EPHA1: variants seen among roughly 807,000 people sequenced by gnomAD.
EPHA1 encodes the protein EPH receptor A1.
Under a neutral mutation model 110.1 loss-of-function variants are expected in EPHA1, and 92 were observed. The observed-to-expected ratio is 0.84, with a 90% CI of 0.71 to 0.99. The LOEUF (loss-of-function observed/expected upper bound fraction) is 0.99, where lower values mean the gene tolerates loss of function less well. EPHA1 is among the 50% of genes least tolerant of loss of function. EPHA1 has a pLI of 0.00. For missense variants in EPHA1, 1,204 were observed against 1,285.4 expected (o/e 0.94, Z 0.97); for synonymous variants, 500 against 516.1 (o/e 0.97, Z 0.42).
rs1235596845 is a variant in EPHA1, at chr7:143,393,191, C to T, written c.2696+480G>A. Reference sequence around the variant, plus strand: ...ACCTACCCCACCCCAGCCTGGCTGCCCAAGCTCCCTGGAGCTTGGGTAATA... The same window carrying T: ...ACCTACCCCACCCCAGCCTGGCTGCTCAAGCTCCCTGGAGCTTGGGTAATA... On this transcript the variant is annotated intron_variant, in intron 16 of 17. Transcript: ENST00000275815. The surrounding 1 kb of genome is among the most constrained non-coding windows in gnomAD (Gnocchi z 5.6). Among the ~76,000 whole-genome samples, 2 of 152,148 alleles carry T rather than the reference C, an allele frequency of 1.3e-5. No individual in the cohort carries two copies. Among genetic ancestry groups the T allele is most frequent in the Non-Finnish European group, 2.9e-5 (2 of 68,018 alleles).
rs1388222492 is a variant in EPHA1 at position 143,401,974 on chromosome 7, C to T, written c.151-369G>A. 6.6e-6 allele frequency among the ~76,000 whole-genome samples: 1 copy of T among 152,120 alleles called. No individual in the cohort carries two copies. On this transcript the variant is annotated intron_variant, in intron 2 of 17. Transcript: ENST00000275815. The surrounding 1 kb of genome is among the most constrained non-coding windows in gnomAD (Gnocchi z 4.1). The stretch of plus-strand genomic sequence containing the variant: ...TTTTTGTTTTTCAGAGACAGGGTCT[C>T]GTTCTGTCTGCAGCGCAGTGGTATA...
chr7:143,407,096 T>C (rs1004277050), intron 2 of EPHA1, among the ~76,000 whole-genome samples: 1 of 152,138 alleles, frequency 6.6e-6, no homozygotes, highest in African/African-American at 2.4e-5. Flanking sequence ...TTTGAAGAAT[T>C]TGATGAAAGC....
At position 143,391,478 on chromosome 7, in the gene EPHA1, A is replaced by G; in HGVS notation, c.2910T>C (p.Ser970=). 11 of 1,614,118 alleles carry G rather than the reference A, an allele frequency of 6.8e-6. No homozygotes were observed. Among genetic ancestry groups the G allele is most frequent in the Non-Finnish European group, 9.3e-6 (11 of 1,180,022 alleles). ...GGGATCAGTCCTTGAATCCCTGAATACTGCAAAGAATGCGCTTCTGGTGCC... is the reference window on the plus strand; with the variant it reads ...GGGATCAGTCCTTGAATCCCTGAATGCTGCAAAGAATGCGCTTCTGGTGCC... ...LPGHQKRILC[S]IQGFKD The change falls in exon 18 of 18, where the codon AGT becomes AGC. Residue 970 remains serine, a synonymous_variant. Coordinates refer to ENST00000275815, the MANE Select transcript of EPHA1 (RefSeq NM_005232.5).
chr7:143,401,485 C>T lies in EPHA1; in HGVS notation c.271G>A (p.Glu91Lys), dbSNP rs748648935. 1 of 1,614,016 alleles carries T rather than the reference C, an allele frequency of 6.2e-7. No homozygotes were observed. The highest frequency in any genetic ancestry group is 1.3e-5 in the African/African-American group (1 of 74,932). The change falls in exon 3 of 18, where the codon GAG becomes AAG. Residue 91 changes from glutamate to lysine, a missense_variant. Transcript: ENST00000275815. The surrounding 1 kb of genome is among the most constrained non-coding windows in gnomAD (Gnocchi z 4.1). ...AGCTCCACGTGGACGCGGGAAGCCT[C>T]CTCCCCGCGGTAGATCCAATTGGAG... Reference protein sequence around the residue: ...LRSNWIYRGEEASRVHVELQF... With the variant: ...LRSNWIYRGEKASRVHVELQF...
In EPHA1 at chr7:143,394,908, G is replaced by C; in HGVS notation, c.2252C>G (p.Ala751Gly). Residue 751 changes from alanine (A) to glycine (G), a missense_variant, in exon 14 of 18, where the codon GCT becomes GGT. Transcript: ENST00000275815. ...TTGATTCACCAAGATGTTTCTGGCA[G>C]CCAGGTCCCGGTGGACATAATTGTG... Reference protein sequence around the residue: ...SNHNYVHRDLAARNILVNQNL... With the variant: ...SNHNYVHRDLGARNILVNQNL... 6.2e-7 allele frequency: 1 copy of C among 1,614,152 alleles called. No individual in the cohort carries two copies. Among genetic ancestry groups the C allele is most frequent in the Non-Finnish European group, 8.5e-7 (1 of 1,180,026 alleles).
chr7:143,392,118 G>T (rs1805104673), intron 16 of EPHA1, among the ~76,000 whole-genome samples: 1 of 152,234 alleles, frequency 6.6e-6, no homozygotes, highest in African/African-American at 2.4e-5. Flanking sequence ...TCTCCTGTCT[G>T]AGAGGAAGCT....
At chr7:143,406,578 G>A (rs1805556600) in intron 2 of EPHA1, among the ~76,000 whole-genome samples, 1 of 152,252 alleles carries the variant, frequency 6.6e-6, no homozygotes, top group Non-Finnish European at 1.5e-5. Flanking sequence ...TGGAACAGAA[G>A]TATAGGTGAC....
chr7:143,404,309 A>T (rs926346351), intron 2 of EPHA1, among the ~76,000 whole-genome samples: 12 of 151,242 alleles, frequency 7.9e-5, no homozygotes, highest in Non-Finnish European at 1.3e-4. Flanking sequence ...CTCTGCCTCC[A>T]GGGTTCACGC....
chr7:143,403,030 T>C (rs925145070), intron 2 of EPHA1, among the ~76,000 whole-genome samples: 5 of 152,220 alleles, frequency 3.3e-5, no homozygotes, highest in Non-Finnish European at 5.9e-5. Context: ...CACGGGATCA[T>C]ACAAGTGTTA....
intron 16 of EPHA1, among the ~76,000 whole-genome samples, chr7:143,392,664 C>T (rs865966374): frequency 6.6e-6 from 1 of 152,090 alleles, no homozygotes; most frequent in African/African-American, 2.4e-5. Flanking sequence ...GTTCTCCAGG[C>T]CAGGCGAGGT....
At chr7:143,406,109 T>C (rs959702837) in intron 2 of EPHA1, among the ~76,000 whole-genome samples, 1 of 152,170 alleles carries the variant, frequency 6.6e-6, no homozygotes, top group Non-Finnish European at 1.5e-5. Flanking sequence ...GTGACAAATG[T>C]CTTTTTATAT....
In EPHA1 at chr7:143,399,727, G is replaced by C; in HGVS notation, c.759C>G (p.Gly253=). The stretch of plus-strand genomic sequence containing the variant: ...ACCGTCCTACAGGCACCAGCCACTC[G>C]CCATCAGGGCTGCAGTGCATGCGGG... The part of the protein sequence containing the change: ...GAPRMHCSPD[G]EWLVPVGRCH... Residue 253 remains glycine (G), a synonymous_variant, in exon 4 of 18, where the codon GGC becomes GGG. Transcript: ENST00000275815. 5.0e-6 allele frequency: 8 copies of C among 1,613,854 alleles called. 1 individual carries two copies. The highest frequency in any genetic ancestry group is 6.8e-6 in the Non-Finnish European group (8 of 1,180,024).
rs773830927 is a variant in EPHA1 at position 143,401,359 on chromosome 7, C to T, written c.397G>A (p.Val133Met). Reference sequence around the variant, plus strand: ...AAGGGCCGTCGGAGCTGAATGCCCACATCCTGGTCACTCTCCATGTACAGA... The same window carrying T: ...AAGGGCCGTCGGAGCTGAATGCCCATATCCTGGTCACTCTCCATGTACAGA... ...NLLYMESDQD[V>M]GIQLRRPLFQ... The change falls in exon 3 of 18, where the codon GTG becomes ATG. Residue 133 changes from valine (V) to methionine (M), a missense_variant. Coordinates refer to ENST00000275815, the MANE Select transcript of EPHA1 (RefSeq NM_005232.5). The surrounding 1 kb of genome is among the most constrained non-coding windows in gnomAD (Gnocchi z 4.1). 1.2e-6 allele frequency: 2 copies of T among 1,614,112 alleles called. No individual in the cohort carries two copies. The highest frequency in any genetic ancestry group is 1.7e-6 in the Non-Finnish European group (2 of 1,180,036).
chr7:143,391,574 T>A, intron 17 of EPHA1, 39 bp from the exon 18 acceptor site: 1 of 1,614,054 alleles, frequency 6.2e-7, no homozygotes, highest in Non-Finnish European at 8.5e-7. Context: ...GTCCGGAGGC[T>A]CCACCCCCGC....
At chr7:143,403,529 TTTC>T (rs936660485) in intron 2 of EPHA1, among the ~76,000 whole-genome samples, 2 of 152,206 alleles carry the variant, frequency 1.3e-5, no homozygotes, top group Non-Finnish European at 2.9e-5. Context: ...CTAGTTTTTT[TTTC>T]TTTTTAAAGA....
chr7:143,394,398 G>A lies in EPHA1; in HGVS notation c.2353-55C>T. 5.9e-6 allele frequency: 9 copies of A among 1,536,362 alleles called. No homozygotes were observed. The South Asian group carries it at 1.1e-4, about 19-fold the overall frequency. Reference sequence around the variant, plus strand: ...AGTTATGGTGTCCACCTGAGCACGAGTCTTTCTGCTTCTTTTATTGTATTT... The same window carrying A: ...AGTTATGGTGTCCACCTGAGCACGAATCTTTCTGCTTCTTTTATTGTATTT... On this transcript the variant is annotated intron_variant, in intron 14 of 17. Coordinates refer to ENST00000275815, the MANE Select transcript of EPHA1 (RefSeq NM_005232.5).
In EPHA1 at chr7:143,395,697, A is replaced by T. The variant is rs939747669; in HGVS notation, c.1898-193T>A. On this transcript the variant is annotated intron_variant, in intron 11 of 17. Transcript: ENST00000275815. This position sits in a 1 kb window ranked among gnomAD's most constrained non-coding sequence, Gnocchi z 4.7. ...TCTGGAGCTGGAGTGCAATGCCGTG[A>T]CCTATTCACCACTGTCTCCCAGTGT... The T allele has an allele frequency of 2.1e-5, 13 of 616,540 alleles. No individual in the cohort carries two copies. The highest frequency in any genetic ancestry group is 5.6e-5 in the African/African-American group (3 of 54,022). The allele number at this position is 616,540 out of a possible 1,614,324, so 38.2% of individuals were successfully genotyped here.
intron 5 of EPHA1, 49 bp from the exon 6 acceptor site, chr7:143,398,994 G>T: frequency 6.7e-7 from 1 of 1,490,738 alleles, no homozygotes; most frequent in Non-Finnish European, 9.0e-7. Flanking sequence ...GCTGTCACCC[G>T]AGCTGCTGAT....
chr7:143,399,582 C>G, intron 4 of EPHA1, 69 bp downstream of exon 4: 1 of 1,595,206 alleles, frequency 6.3e-7, no homozygotes, highest in South Asian at 1.1e-5. Flanking sequence ...CACTGGCCTC[C>G]TTCTCTGCCG....
Sources: gnomAD v4.1 joint callset for allele counts (sites outside exome capture counted in the v4.1 genomes callset) on GRCh38, gnomAD v4.1.1 for gene constraint, Gnocchi (gnomAD v3.1) non-coding constraint, MANE v1.5 for transcripts, NCBI Gene and HGNC (gene_info 2026-07-23, HGNC 2026-07-21) for gene names.